Variants in LGALS3BP observed in about 807,000 individuals in gnomAD.
The protein encoded by LGALS3BP is galectin-3-binding protein.
A neutral mutation model predicts 22.9 loss-of-function variants in LGALS3BP; 25 were observed. The observed-to-expected ratio is 1.09, with a 90% CI of 0.80 to 1.53. The LOEUF (loss-of-function observed/expected upper bound fraction) is 1.53, where lower values mean the gene tolerates loss of function less well. Among genes scored for constraint, LGALS3BP ranks in the 40% most tolerant of loss-of-function variants. The pLI is 0.00. For synonymous variants in LGALS3BP, 335 were observed against 331.1 expected, an observed-to-expected ratio of 1.01 and a Z score of -0.13; for missense variants, 718 against 752.0, an observed-to-expected ratio of 0.95 and a Z score of 0.53.
chr17:78,974,861 GCACCCAGGAGTCCCA>G (rs1568023613), intron 3 of LGALS3BP, 42 bp from the exon 4 acceptor site: 1 of 1,601,970 alleles, frequency 6.2e-7, no homozygotes, highest in African/African-American at 1.3e-5. Flanking sequence ...CGTGACGACT[GCACCCAGGAGTCCCA>G]CAGCGCGACT....
rs1327537299 is a variant in LGALS3BP, at chr17:78,975,979, G to A, written c.230C>T (p.Ala77Val). 1 of 1,609,324 alleles carries A rather than the reference G, an allele frequency of 6.2e-7. No homozygotes were observed. The highest frequency in any genetic ancestry group is 8.5e-7 in the Non-Finnish European group (1 of 1,178,238). ...FENATQALGR[A>V]AFGQGSGPIM... Reference sequence around the variant, plus strand: ...GCAGGCCCTACCTTGCCCGAAGGCAGCTCTGCCCAGAGCCTGGGTGGCGTT... The same window carrying A: ...GCAGGCCCTACCTTGCCCGAAGGCAACTCTGCCCAGAGCCTGGGTGGCGTT... Residue 77 changes from alanine to valine, a missense_variant, in exon 3 of 6, where the codon GCT (alanine) becomes GTT (valine). By Grantham distance (64) the Ala-to-Val change is moderately conservative. Transcript: ENST00000262776.
rs1427377385 is a variant in LGALS3BP at position 78,971,615 on chromosome 17, G to A, written c.1719C>T (p.Ile573=). The A allele has an allele frequency of 6.2e-7, 1 of 1,613,692 alleles. No homozygotes were observed. Among genetic ancestry groups the A allele is most frequent in the East Asian group, 2.2e-5 (1 of 44,876 alleles). The change falls in exon 6 of 6, where the codon ATC becomes ATT. Residue 573 remains isoleucine (I), a synonymous_variant. Coordinates refer to ENST00000262776, the MANE Select transcript of LGALS3BP (RefSeq NM_005567.4). The surrounding 1 kb of genome is among the most constrained non-coding windows in gnomAD (Gnocchi z 5.6). The part of the protein sequence containing the change: ...AGHFNGFRTV[I]RPFYLTNSSG... ...AGGAGTTGGTCAGGTAGAAGGGGCGGATGACCGTGCGGAAGCCGTTGAAGT... is the reference window on the plus strand; with the variant it reads ...AGGAGTTGGTCAGGTAGAAGGGGCGAATGACCGTGCGGAAGCCGTTGAAGT...
Position 78,973,422 on chromosome 17 carries a change from A to G in LGALS3BP, c.377-200T>C. 1.6e-6 allele frequency: 1 copy of G among 635,222 alleles called. No individual in the cohort carries two copies. Among genetic ancestry groups the G allele is most frequent in the Non-Finnish European group, 2.6e-6 (1 of 381,858 alleles). The allele number at this position is 635,222 out of a possible 1,614,324, so 39.3% of individuals were successfully genotyped here. A position where few individuals can be genotyped will look rare whatever the true frequency, so the allele number is the denominator to read the frequency against. ...GGCCCCGCCCCTTCCAGCCCTGGGG[A>G]ACAAGAGCAGCTAGGACCTGGCCAA... On this transcript the variant is annotated intron_variant, in intron 4 of 5. Coordinates refer to ENST00000262776, the MANE Select transcript of LGALS3BP (RefSeq NM_005567.4). The surrounding 1 kb of genome is among the most constrained non-coding windows in gnomAD (Gnocchi z 5.8).
chr17:78,978,906 A>G (rs985704301), intron 1 of LGALS3BP, among the ~76,000 whole-genome samples: 1 of 152,146 alleles, frequency 6.6e-6, no homozygotes, highest in African/African-American at 2.4e-5. Flanking sequence ...TCTACTAAAA[A>G]TACAAAATAA....
intron 1 of LGALS3BP, among the ~76,000 whole-genome samples, chr17:78,977,805 C>T (rs373083474): frequency 4.5e-4 from 68 of 152,194 alleles, no homozygotes; most frequent in African/African-American, 1.3e-3. Context: ...ATCGGGGCTC[C>T]GTGGTGTTCC....
chr17:78,974,589 T>C (rs781116184), intron 4 of LGALS3BP, 99 bp downstream of exon 4: 2 of 1,396,758 alleles, frequency 1.4e-6, no homozygotes, highest in Non-Finnish European at 1.9e-6. Flanking sequence ...GGAACCTTTG[T>C]GTGCTTCATG....
In LGALS3BP at chr17:78,976,732, C is replaced by T; in HGVS notation, c.52+408G>A. The T allele has an allele frequency of 4.7e-6, 1 of 211,572 alleles. No homozygotes were observed. Among genetic ancestry groups the T allele is most frequent in the Non-Finnish European group, 9.7e-6 (1 of 103,586 alleles). The allele number at this position is 211,572 out of a possible 1,614,324, so 13.1% of individuals were successfully genotyped here. ...TCCAGTCGGGGGTACATCTGGCTTC[C>T]ATGGGGCCCCCAGGATGAGCATGAG... On this transcript the variant is annotated intron_variant, in intron 2 of 5. Coordinates refer to ENST00000262776, the MANE Select transcript of LGALS3BP (RefSeq NM_005567.4). This position sits in a 1 kb window ranked among gnomAD's most constrained non-coding sequence, Gnocchi z 4.6.
chr17:78,977,013 GAGA>G (rs2070726303), intron 2 of LGALS3BP, 124 bp downstream of exon 2: 3 of 932,460 alleles, frequency 3.2e-6, no homozygotes, highest in Non-Finnish European at 5.1e-6. Flanking sequence ...TCAAGCAGGA[GAGA>G]AGATCTGGCT....
rs369218716 is a variant in LGALS3BP, at chr17:78,974,728, G to C, written c.336C>G (p.Asn112Lys). Residue 112 changes from asparagine to lysine, a missense_variant, in exon 4 of 6, where the codon AAC (asparagine) becomes AAG (lysine). Coordinates refer to ENST00000262776, the MANE Select transcript of LGALS3BP (RefSeq NM_005567.4). ...DCKSLGWLKS[N>K]CRHERDAGVV... ...CACCAGCGTCTCTCTCGTGCCTGCA[G>C]TTGCTCTTCAGCCAGCCCAGGGACT... The C allele has an allele frequency of 6.3e-5, 102 of 1,613,748 alleles. No homozygotes were observed. The highest frequency in any genetic ancestry group is 8.6e-5 in the Non-Finnish European group (101 of 1,180,018).
rs564324752 is a variant in LGALS3BP, at chr17:78,971,684, G to A, written c.1650C>T (p.Thr550=). Residue 550 remains threonine, a synonymous_variant, in exon 6 of 6, where the codon ACC becomes ACT. Coordinates refer to ENST00000262776, the MANE Select transcript of LGALS3BP (RefSeq NM_005567.4). This position sits in a 1 kb window ranked among gnomAD's most constrained non-coding sequence, Gnocchi z 5.6. ...WKAAIPSALD[T]NSSKSTSSFP... is the part of the protein sequence containing the mutation. ...AGGAGGAGGTGCTCTTCGAGCTGTT[G>A]GTGTCCAGGGCACTGGGAATCGCAG... The A allele has an allele frequency of 6.2e-7, 1 of 1,613,954 alleles. No homozygotes were observed.
chr17:78,972,559 T>C lies in LGALS3BP; in HGVS notation c.775A>G (p.Met259Val). Residue 259 changes from methionine to valine, a missense_variant, in exon 6 of 6, where the codon ATG becomes GTG. Coordinates refer to ENST00000262776, the MANE Select transcript of LGALS3BP (RefSeq NM_005567.4). This position sits in a 1 kb window ranked among gnomAD's most constrained non-coding sequence, Gnocchi z 5.1. The stretch of plus-strand genomic sequence containing the variant: ...GCATAGGCATACAGGTCCAGGGGCA[T>C]CTGGAACGAGGGGTCCTGGGGGAGG... ...ILLPQDPSFQ[M>V]PLDLYAYAVA... is the part of the protein sequence containing the mutation. 1 of 1,604,228 alleles carries C rather than the reference T, an allele frequency of 6.2e-7. No individual in the cohort carries two copies. Among genetic ancestry groups the C allele is most frequent in the Non-Finnish European group, 8.5e-7 (1 of 1,173,060 alleles).
At position 78,976,175 on chromosome 17, in the gene LGALS3BP, G is replaced by A. The variant is rs756238386; in HGVS notation, c.53-19C>T. On this transcript the variant is annotated intron_variant, in intron 2 of 5. Coordinates refer to ENST00000262776, the MANE Select transcript of LGALS3BP (RefSeq NM_005567.4). This position sits in a 1 kb window ranked among gnomAD's most constrained non-coding sequence, Gnocchi z 4.6. ...TTCACGCCTGCAGGCAGAGACCAGC[G>A]AGGGCGAGGCTGGGGCCTGCAGCAC... is the stretch of plus-strand genomic sequence containing the variant. 3.2e-5 allele frequency: 49 copies of A among 1,543,682 alleles called. No homozygotes were observed. In the African/African-American group the frequency reaches 4.0e-4, roughly 12 times the overall value.
Position 78,972,249 on chromosome 17 carries a change from T to G in LGALS3BP, c.1085A>C (p.Asn362Thr). Residue 362 changes from asparagine to threonine, a missense_variant, in exon 6 of 6, where the codon AAC (asparagine) becomes ACC (threonine). Physicochemically the swap from Asn to Thr is moderately conservative, Grantham distance 65. Transcript: ENST00000262776. This position sits in a 1 kb window ranked among gnomAD's most constrained non-coding sequence, Gnocchi z 5.1. ...CTCGTGGCTCCAGTACAGGGACAGG[T>G]TGAACTGCAGCTCAAAGAGCTCCTC... ...LPEELFELQFNLSLYWSHEAL... is the reference protein window; with the variant it reads ...LPEELFELQFTLSLYWSHEAL... 1 of 1,613,640 alleles carries G rather than the reference T, an allele frequency of 6.2e-7. No individual in the cohort carries two copies. Among genetic ancestry groups the G allele is most frequent in the Non-Finnish European group, 8.5e-7 (1 of 1,179,928 alleles).
At chr17:78,977,386 C>T (rs920354836) in intron 1 of LGALS3BP, 172 bp from the exon 2 acceptor site, 44 of 599,022 alleles carry the variant, frequency 7.3e-5, no homozygotes, top group Non-Finnish European at 8.2e-5. Context: ...TGTGGATGCC[C>T]CCGCGGGGGC....
chr17:78,977,758 G>A (rs565245160), intron 1 of LGALS3BP, among the ~76,000 whole-genome samples: 39 of 152,312 alleles, frequency 2.6e-4, no homozygotes, highest in African/African-American at 8.9e-4. Flanking sequence ...CACAGAATCC[G>A]GGCGAGGGGT....
intron 1 of LGALS3BP, 200 bp from the exon 2 acceptor site, chr17:78,977,414 G>A: frequency 3.5e-6 from 2 of 574,326 alleles, no homozygotes; most frequent in Non-Finnish European, 6.2e-6. Flanking sequence ...CTGGTCTGCA[G>A]TGTGGTCCTG....
At chr17:78,974,542 G>C (rs1221076900) in intron 4 of LGALS3BP, 146 bp downstream of exon 4, 1 of 898,708 alleles carries the variant, frequency 1.1e-6, no homozygotes, top group African/African-American at 1.7e-5. Context: ...TGGGACGTCT[G>C]GGCCTCTCCA....
chr17:78,974,016 T>C (rs2070697925), intron 4 of LGALS3BP, among the ~76,000 whole-genome samples: 1 of 152,234 alleles, frequency 6.6e-6, no homozygotes, highest in Non-Finnish European at 1.5e-5. Context: ...TGGCGTCTCC[T>C]GGGCTTCCCC....
At position 78,976,007 on chromosome 17, in the gene LGALS3BP, C is replaced by T. The variant is rs11548453; in HGVS notation, c.202G>A (p.Glu68Lys). 7.8e-5 allele frequency: 125 copies of T among 1,612,368 alleles called. 1 individual carries two copies. In the African/African-American group the frequency reaches 9.7e-4, roughly 13 times the overall value. The change falls in exon 3 of 6, where the codon GAG (glutamate) becomes AAG (lysine). Residue 68 changes from glutamate to lysine, a missense_variant. Coordinates refer to ENST00000262776, the MANE Select transcript of LGALS3BP (RefSeq NM_005567.4). This position sits in a 1 kb window ranked among gnomAD's most constrained non-coding sequence, Gnocchi z 4.6. ...CTGCCCAGAGCCTGGGTGGCGTTCT[C>T]GAAGCCCAGGGCCCGGCAGACGACG... Reference protein sequence around the residue: ...ASVVCRALGFENATQALGRAA... With the variant: ...ASVVCRALGFKNATQALGRAA...
Sources: gnomAD v4.1 joint callset for allele counts (sites outside exome capture counted in the v4.1 genomes callset) on GRCh38, gnomAD v4.1.1 for gene constraint, Gnocchi (gnomAD v3.1) non-coding constraint, MANE v1.5 for transcripts, NCBI Gene and HGNC (gene_info 2026-07-23, HGNC 2026-07-21) for gene names.